NPM1: variants seen among roughly 807,000 people sequenced by gnomAD.
NPM1 encodes nucleophosmin 1.
Under a neutral mutation model 44.1 loss-of-function variants are expected in NPM1, and 1 was observed. The ratio of observed to expected loss-of-function variants is 0.02; its 90% CI spans 0.01 to 0.11. NPM1 has a LOEUF of 0.11. NPM1 is among the 10% of genes least tolerant of loss of function. The pLI, the probability that NPM1 is intolerant of heterozygous loss-of-function variation, is 1.00. For synonymous variants in NPM1, 126 were observed against 111.8 expected, an observed-to-expected ratio of 1.13 and a Z score of -0.80; for missense variants, 197 against 347.8, an observed-to-expected ratio of 0.57 and a Z score of 3.45.
chr5:171,395,178 C>A (rs1326783583), intron 6 of NPM1, among the ~76,000 whole-genome samples: 1 of 152,094 alleles, frequency 6.6e-6, no homozygotes, highest in Admixed American at 6.5e-5. Flanking sequence ...AGACTCCCAT[C>A]TCAGAAAAAT....
At chr5:171,402,935 C>T (rs979896392) in intron 8 of NPM1, among the ~76,000 whole-genome samples, 1 of 146,892 alleles carries the variant, frequency 6.8e-6, no homozygotes, top group Non-Finnish European at 1.5e-5. Context: ...TCATAAATTA[C>T]CCAATCTCAG....
rs1770324205 is a variant in NPM1 at position 171,387,894 on chromosome 5, G to A, written c.-55G>A. On this transcript the variant is annotated 5_prime_UTR_variant, in exon 1 of 11. Coordinates refer to ENST00000296930, the MANE Select transcript of NPM1 (RefSeq NM_002520.7). ...TCCTGCGCGGTTGTTCTCTGGAGCA[G>A]CGTTCTTTTATCTCCGTCCGCCTTC... is the stretch of plus-strand genomic sequence containing the variant. 6 of 1,547,816 alleles carry A rather than the reference G, an allele frequency of 3.9e-6. No individual in the cohort carries two copies. In the African/African-American group the frequency reaches 5.4e-5, roughly 14 times the overall value.
At chr5:171,390,779 A>G (rs1385136451) in intron 2 of NPM1, among the ~76,000 whole-genome samples, 1 of 151,512 alleles carries the variant, frequency 6.6e-6, no homozygotes, top group Non-Finnish European at 1.5e-5. Flanking sequence ...GCTGGAGTGC[A>G]GTGGTGTAAT....
chr5:171,391,657 T>C (rs1457416854), intron 3 of NPM1, 49 bp from the exon 4 acceptor site: 4 of 1,313,084 alleles, frequency 3.0e-6, no homozygotes, highest in East Asian at 2.3e-5. Context: ...GTAATGTTTA[T>C]TGTTCATTTT....
chr5:171,400,296 G>GGAAGCT, intron 7 of NPM1, 86 bp downstream of exon 7: 4 of 917,052 alleles, frequency 4.4e-6, no homozygotes, highest in Non-Finnish European at 6.0e-6. Context: ...TGTAGTTAAG[G>GGAAGCT]GAAGCTGGTG....
intron 9 of NPM1, chr5:171,405,651 A>G (rs1179902621): frequency 2.3e-6 from 1 of 442,870 alleles, no homozygotes; most frequent in Non-Finnish European, 4.0e-6. Flanking sequence ...ACTGGTTGCA[A>G]GATAACATTC....
intron 9 of NPM1, chr5:171,406,619 G>T: frequency 7.4e-7 from 1 of 1,360,104 alleles, no homozygotes; most frequent in Non-Finnish European, 9.4e-7. Context: ...CTGTGATTCA[G>T]TGAACCTTGC....
chr5:171,399,605 T>A (rs1046587509), intron 6 of NPM1, among the ~76,000 whole-genome samples: 1 of 152,190 alleles, frequency 6.6e-6, no homozygotes, highest in Non-Finnish European at 1.5e-5. Flanking sequence ...TTCTAACGAT[T>A]GTATTTAACC....
chr5:171,397,377 G>T (rs1770961685), intron 6 of NPM1, among the ~76,000 whole-genome samples: 1 of 152,150 alleles, frequency 6.6e-6, no homozygotes, highest in Admixed American at 6.6e-5. Flanking sequence ...AAGCAGAGTG[G>T]CTCACCCATT....
At chr5:171,388,288 G>A (rs1286161390) in intron 1 of NPM1, among the ~76,000 whole-genome samples, 1 of 152,216 alleles carries the variant, frequency 6.6e-6, no homozygotes, top group Non-Finnish European at 1.5e-5. Context: ...CGGCCGCCTG[G>A]AAGTTCGGCC....
chr5:171,407,431 A>G (rs1771630337), intron 9 of NPM1: 1 of 422,054 alleles, frequency 2.4e-6, no homozygotes, highest in Admixed American at 4.4e-5. Flanking sequence ...TGTTTGTCGA[A>G]TCTCAAGTGT....
At position 171,409,283 on chromosome 5, in the gene NPM1, A is replaced by G. The variant is rs992531852; in HGVS notation, c.847-1244A>G. Among the ~76,000 whole-genome samples, 4 of 152,302 alleles carry G rather than the reference A, an allele frequency of 2.6e-5. No individual in the cohort carries two copies. In the East Asian group the frequency reaches 7.7e-4, roughly 29 times the overall value. ...GAGATGCATGATGCAAGCAACGACAATGTATATTTGTTTGAACCTGATGAT... is the reference window on the plus strand; with the variant it reads ...GAGATGCATGATGCAAGCAACGACAGTGTATATTTGTTTGAACCTGATGAT... On this transcript the variant is annotated intron_variant, in intron 10 of 10. Coordinates refer to ENST00000296930, the MANE Select transcript of NPM1 (RefSeq NM_002520.7).
intron 6 of NPM1, among the ~76,000 whole-genome samples, chr5:171,397,177 GTT>G (rs1487914333): frequency 6.6e-6 from 1 of 152,156 alleles, no homozygotes; most frequent in Non-Finnish European, 1.5e-5. Context: ...TTCTGTGACT[GTT>G]TTCTTAGCAC....
intron 6 of NPM1, among the ~76,000 whole-genome samples, chr5:171,396,695 A>G (rs903364465): frequency 6.6e-6 from 1 of 152,058 alleles, no homozygotes; most frequent in African/African-American, 2.4e-5. Context: ...ACTCCCCTCC[A>G]TTGTTTACCT....
chr5:171,391,434 C>T lies in NPM1; in HGVS notation c.258+10C>T. 3 of 1,605,488 alleles carry T rather than the reference C, an allele frequency of 1.9e-6. No homozygotes were observed. Among genetic ancestry groups the T allele is most frequent in the Non-Finnish European group, 2.5e-6 (3 of 1,179,738 alleles). On this transcript the variant is annotated intron_variant, in intron 3 of 10. Transcript: ENST00000296930. The stretch of plus-strand genomic sequence containing the variant: ...GTCTGTACAGCCAACGGTAAGGGCA[C>T]TTACATACTTTGGATGTTGTGTCAA...
At chr5:171,402,315 C>A (rs1771254291) in intron 8 of NPM1, among the ~76,000 whole-genome samples, 1 of 151,456 alleles carries the variant, frequency 6.6e-6, no homozygotes. Flanking sequence ...TACCATCTCA[C>A]ACCAGTCAGA....
Position 171,387,919 on chromosome 5 carries a change from C to T in NPM1, c.-30C>T, listed in dbSNP as rs1023743896. 7 of 1,605,350 alleles carry T rather than the reference C, an allele frequency of 4.4e-6. No homozygotes were observed. Among genetic ancestry groups the T allele is most frequent in the Middle Eastern group, 2.2e-4 (1 of 4,478 alleles). On this transcript the variant is annotated 5_prime_UTR_variant, in exon 1 of 11. Coordinates refer to ENST00000296930, the MANE Select transcript of NPM1 (RefSeq NM_002520.7). ...GCGTTCTTTTATCTCCGTCCGCCTTCTCTCCTACCTAAGTGCGTGCCGCCA... is the reference window on the plus strand; with the variant it reads ...GCGTTCTTTTATCTCCGTCCGCCTTTTCTCCTACCTAAGTGCGTGCCGCCA...
At chr5:171,387,639 C>A (rs1378682485), upstream of NPM1, 1 of 369,240 alleles carries the variant, frequency 2.7e-6, no homozygotes, top group Non-Finnish European at 4.9e-6. Flanking sequence ...GGGGTGGGGC[C>A]AGTGTACGAG....
chr5:171,391,223 A>T (rs2113166223), intron 2 of NPM1, 82 bp from the exon 3 acceptor site: 1 of 1,486,312 alleles, frequency 6.7e-7, no homozygotes, highest in Non-Finnish European at 9.2e-7. Context: ...TAAGTGACGC[A>T]TGGCTGCATA....
Sources: allele counts gnomAD v4.1 joint callset (sites outside exome capture counted in the v4.1 genomes callset), GRCh38; gene constraint gnomAD v4.1.1; transcripts MANE v1.5; gene names NCBI Gene and HGNC (gene_info 2026-07-23, HGNC 2026-07-21).